ME2: variants seen among roughly 807,000 people sequenced by gnomAD.
ME2 encodes NAD-dependent malic enzyme, mitochondrial.
In ME2, 60 loss-of-function variants were observed where a neutral mutation model predicts 73.7. The ratio of observed to expected loss-of-function variants is 0.81; its 90% confidence interval spans 0.66 to 1.01. The LOEUF is 1.01. Among genes scored for constraint, ME2 ranks in the 50% least tolerant of loss-of-function variants. The pLI is 0.00. For missense variants in ME2, 594 were observed against 705.5 expected, an observed-to-expected ratio of 0.84 and a Z score of 1.79; for synonymous variants, 199 against 236.9, an observed-to-expected ratio of 0.84 and a Z score of 1.47.
In ME2 at chr18:50,951,349, G is replaced by T. The variant is rs1453652912; in HGVS notation, c.*4165G>T. The T allele has an allele frequency of 3.9e-5, 6 of 152,144 alleles. No homozygotes were observed. The highest frequency in any genetic ancestry group is 1.4e-4 in the African/African-American group (6 of 41,442). The allele number at this position is 152,144 out of a possible 1,614,324, so 9.4% of individuals were successfully genotyped here. On this transcript the variant is annotated 3_prime_UTR_variant, in exon 16 of 16. Transcript: ENST00000321341. ...TCTCAGATAACAGAAAACCCAAAAG[G>T]GATGGTGGCGGAGTGAAGAAAGCCT...
chr18:50,929,364 C>T (rs1254087861), intron 12 of ME2, among the ~76,000 whole-genome samples: 1 of 151,556 alleles, frequency 6.6e-6, no homozygotes, highest in African/African-American at 2.4e-5. Flanking sequence ...TGGCTCACAC[C>T]TGTAGTCCCA....
intron 10 of ME2, among the ~76,000 whole-genome samples, chr18:50,921,485 A>G (rs886866156): frequency 1.3e-5 from 2 of 152,206 alleles, no homozygotes; most frequent in Admixed American, 1.3e-4. Context: ...GACACTCCTA[A>G]AACTAGGTTT....
rs566588380 is a variant in ME2 at position 50,936,623 on chromosome 18, A to G, written c.1418-2947A>G. 9.8e-5 allele frequency among the ~76,000 whole-genome samples: 15 copies of G among 152,312 alleles called. 1 individual carries two copies. In the South Asian group the frequency reaches 2.5e-3, roughly 25 times the overall value. On this transcript the variant is annotated intron_variant, in intron 13 of 15. Coordinates refer to ENST00000321341, the MANE Select transcript of ME2 (RefSeq NM_002396.5). Reference sequence around the variant, plus strand: ...GACTTACATTGATTGACAGGAAGGTAAATTAAAAATTATAATGTGGAGCTG... The same window carrying G: ...GACTTACATTGATTGACAGGAAGGTGAATTAAAAATTATAATGTGGAGCTG...
intron 13 of ME2, among the ~76,000 whole-genome samples, chr18:50,938,426 A>C (rs1427987316): frequency 6.6e-6 from 1 of 152,202 alleles, no homozygotes; most frequent in Non-Finnish European, 1.5e-5. Flanking sequence ...TCTCACCAGC[A>C]CTGGAAGCTA....
chr18:50,945,968 G>A (rs745895898), intron 15 of ME2, among the ~76,000 whole-genome samples: 5 of 152,174 alleles, frequency 3.3e-5, no homozygotes, highest in Non-Finnish European at 7.3e-5. Flanking sequence ...TGGGGAGGCT[G>A]AGGCAGGAGA....
intron 1 of ME2, among the ~76,000 whole-genome samples, chr18:50,881,603 G>A (rs1472294428): frequency 6.6e-6 from 1 of 152,136 alleles, no homozygotes; most frequent in Non-Finnish European, 1.5e-5. Flanking sequence ...GATGTTGCCT[G>A]TATTTGTATA....
intron 2 of ME2, among the ~76,000 whole-genome samples, chr18:50,900,735 C>T (rs966706102): frequency 6.6e-6 from 1 of 152,080 alleles, no homozygotes; most frequent in African/African-American, 2.4e-5. Flanking sequence ...TGGTTTCCCC[C>T]ATGCTGTTCT....
At chr18:50,918,331 TA>T (rs1917335522) in intron 7 of ME2, 118 bp downstream of exon 7, 1 of 564,310 alleles carries the variant, frequency 1.8e-6, no homozygotes, top group African/African-American at 1.9e-5. Flanking sequence ...AGGAGGCGAT[TA>T]AATTTTTGAG....
chr18:50,939,757 T>TG, intron 14 of ME2, 117 bp downstream of exon 14: 1 of 646,988 alleles, frequency 1.5e-6, no homozygotes. Context: ...AAAAGGAAGT[T>TG]ACTCAAATTA....
intron 3 of ME2, among the ~76,000 whole-genome samples, chr18:50,910,813 T>C (rs1388251186): frequency 1.3e-5 from 2 of 152,136 alleles, no homozygotes; most frequent in African/African-American, 4.8e-5. Context: ...TCCTAAACAG[T>C]AATGACAGGG....
At chr18:50,895,574 G>GT (rs968997118) in intron 1 of ME2, among the ~76,000 whole-genome samples, 4 of 152,198 alleles carry the variant, frequency 2.6e-5, no homozygotes, top group Non-Finnish European at 5.9e-5. Context: ...GAGGTTAAAT[G>GT]TTTTTTGCAG....
rs1917410749 is a variant in ME2, at chr18:50,920,922, T to C, written c.943-152T>C. The C allele has an allele frequency of 5.7e-6, 4 of 699,966 alleles. 1 individual carries two copies. Among genetic ancestry groups the C allele is most frequent in the Non-Finnish European group, 4.7e-6 (2 of 429,842 alleles). 43.4% of individuals were successfully genotyped at this position (699,966 alleles called of 1,614,324 possible). On this transcript the variant is annotated intron_variant, in intron 9 of 15. Transcript: ENST00000321341. ...GCTGTAAAACATGTAATTTAAAATA[T>C]GTTTCGAGAGAATATCACGAAGAAT... is the stretch of plus-strand genomic sequence containing the variant.
intron 1 of ME2, among the ~76,000 whole-genome samples, chr18:50,889,418 G>T (rs1916555359): frequency 6.6e-6 from 1 of 152,210 alleles, no homozygotes. Flanking sequence ...TGCTGGCAGA[G>T]TGGCCTGTCC....
intron 13 of ME2, chr18:50,932,564 T>G (rs1422035294): frequency 7.4e-6 from 3 of 407,958 alleles, no homozygotes; most frequent in Non-Finnish European, 1.3e-5. Context: ...TAAATTTGTT[T>G]TTATTATAGA....
intron 7 of ME2, among the ~76,000 whole-genome samples, chr18:50,918,643 C>T (rs1917345471): frequency 6.6e-6 from 1 of 152,042 alleles, no homozygotes. Flanking sequence ...CCTTGAAACT[C>T]TCTCTTCTCT....
chr18:50,892,117 G>A (rs1026872360), intron 1 of ME2, among the ~76,000 whole-genome samples: 1 of 151,886 alleles, frequency 6.6e-6, no homozygotes, highest in East Asian at 1.9e-4. Flanking sequence ...CACTGCACCC[G>A]GCCTGGACTT....
chr18:50,881,344 C>T (rs114499983), intron 1 of ME2, among the ~76,000 whole-genome samples: 34 of 151,880 alleles, frequency 2.2e-4, no homozygotes, highest in African/African-American at 8.0e-4. Context: ...GTGAACTAGC[C>T]GTATTTTAAA....
chr18:50,932,212 A>G, intron 12 of ME2, 46 bp from the exon 13 acceptor site: 1 of 1,530,314 alleles, frequency 6.5e-7, no homozygotes, highest in Non-Finnish European at 9.0e-7. Context: ...CAATTTTCTC[A>G]TCCACAGAAA....
chr18:50,935,183 G>T (rs187939395), intron 13 of ME2: 1 of 152,042 alleles, frequency 6.6e-6, no homozygotes, highest in African/African-American at 2.4e-5. Flanking sequence ...TAAGATAATG[G>T]CATCCTAGTC....
Sources: gnomAD v4.1 joint callset for allele counts (sites outside exome capture counted in the v4.1 genomes callset) on GRCh38, gnomAD v4.1.1 for gene constraint, MANE v1.5 for transcripts, NCBI Gene and HGNC (gene_info 2026-07-23, HGNC 2026-07-21) for gene names.